The following XKR3 variants were observed in gnomAD, a reference collection of about 807,000 sequenced individuals.
XKR3 encodes the protein XK related 3.
In XKR3, 27 loss-of-function variants were observed where a neutral mutation model predicts 40.3. The ratio of observed to expected loss-of-function variants is 0.67; its 90% confidence interval spans 0.49 to 0.92. The LOEUF (loss-of-function observed/expected upper bound fraction) is 0.92, where lower values mean the gene tolerates loss of function less well. Among genes scored for constraint, XKR3 ranks in the 40% least tolerant of loss-of-function variants. The pLI is 0.00. For missense variants in XKR3, 472 were observed against 537.6 expected (o/e 0.88, Z 1.21); for synonymous variants, 193 against 195.4 (o/e 0.99, Z 0.10).
intron 1 of XKR3, among the ~76,000 whole-genome samples, chr22:16,814,251 T>A (rs2146175470): frequency 6.6e-6 from 1 of 152,338 alleles, no homozygotes; most frequent in South Asian, 2.1e-4. Flanking sequence ...TATCTAGTTG[T>A]CTCAGCTCCA....
chr22:16,804,798 T>C (rs2060183006), intron 2 of XKR3, among the ~76,000 whole-genome samples: 1 of 152,156 alleles, frequency 6.6e-6, no homozygotes, highest in South Asian at 2.1e-4. Context: ...AACAAACCAA[T>C]GTATTTATTA....
intron 3 of XKR3, among the ~76,000 whole-genome samples, chr22:16,795,575 A>C (rs2060137039): frequency 6.6e-6 from 1 of 152,188 alleles, no homozygotes; most frequent in East Asian, 1.9e-4. Flanking sequence ...ACTGAGATGC[A>C]AAATAAATAT....
intron 2 of XKR3, among the ~76,000 whole-genome samples, chr22:16,803,770 A>G (rs988937415): frequency 6.6e-6 from 1 of 152,198 alleles, no homozygotes; most frequent in African/African-American, 2.4e-5. Flanking sequence ...AGGGCTAAAA[A>G]GGGGAGGCAT....
intron 1 of XKR3, 26 bp from the exon 2 acceptor site, chr22:16,808,109 G>C (rs768587686): frequency 6.6e-7 from 1 of 1,510,386 alleles, no homozygotes; most frequent in Non-Finnish European, 9.0e-7. Context: ...CGTCTTGTCA[G>C]TGAATCCAGT....
chr22:16,813,310 C>G (rs1485264862), intron 1 of XKR3, among the ~76,000 whole-genome samples: 1 of 150,566 alleles, frequency 6.6e-6, no homozygotes, highest in African/African-American at 2.5e-5. Context: ...AAAAAACAAA[C>G]AAACAAAAAA....
chr22:16,816,290 C>CT (rs2060232947), intron 1 of XKR3, among the ~76,000 whole-genome samples: 1 of 149,852 alleles, frequency 6.7e-6, no homozygotes, highest in African/African-American at 2.4e-5. Flanking sequence ...ACCTTTTTTT[C>CT]TAATTGTATT....
chr22:16,792,865 C>T lies in XKR3; in HGVS notation c.589+6906G>A, dbSNP rs374637164. On this transcript the variant is annotated intron_variant, in intron 3 of 3. Transcript: ENST00000684488. ...TTGCAACCAGCACTTCCCTCTTAAACGCCAAATAAAAATGTTTTGATTTTA... is the reference window on the plus strand; with the variant it reads ...TTGCAACCAGCACTTCCCTCTTAAATGCCAAATAAAAATGTTTTGATTTTA... Among the ~76,000 whole-genome samples the T allele has an allele frequency of 2.8e-4, 43 of 152,162 alleles. 1 individual carries two copies. The highest frequency in any genetic ancestry group is 2.4e-4 in the African/African-American group (10 of 41,442).
At chr22:16,801,622 T>C (rs935901413) in intron 2 of XKR3, among the ~76,000 whole-genome samples, 51 of 151,502 alleles carry the variant, frequency 3.4e-4, no homozygotes, top group African/African-American at 1.2e-3. Context: ...TGTTCAGAAC[T>C]ACAAGTTGTC....
At chr22:16,793,115 C>T (rs868801153) in intron 3 of XKR3, among the ~76,000 whole-genome samples, 15 of 152,280 alleles carry the variant, frequency 9.9e-5, no homozygotes, top group African/African-American at 2.4e-4. Flanking sequence ...CGGTTTCAAG[C>T]GATTCTCCTG....
intron 2 of XKR3, among the ~76,000 whole-genome samples, chr22:16,804,421 C>T (rs558957484): frequency 6.6e-6 from 1 of 152,080 alleles, no homozygotes; most frequent in Non-Finnish European, 1.5e-5. Context: ...TTTTTCCCCT[C>T]ATGTTTTGAA....
At chr22:16,787,555 G>A (rs1445380316) in intron 3 of XKR3, among the ~76,000 whole-genome samples, 19 of 90,346 alleles carry the variant, frequency 2.1e-4, no homozygotes, top group South Asian at 5.2e-4. Context: ...GCAAAACTCC[G>A]TCTCAAATTA....
Position 16,807,806 on chromosome 22 carries a change from T to C in XKR3, c.268A>G (p.Lys90Glu), listed in dbSNP as rs1388388794. 1 of 1,613,820 alleles carries C rather than the reference T, an allele frequency of 6.2e-7. No homozygotes were observed. The highest frequency in any genetic ancestry group is 1.1e-5 in the South Asian group (1 of 91,060). ...LDQIILMFFN[K>E]DLRRNKAALL... ...GCAGCCTTATTTCTCCTCAAGTCTT[T>C]GTTGAAAAACATCAGGATAATTTGA... Residue 90 changes from lysine (K) to glutamate (E), a missense_variant, in exon 2 of 4, where the codon AAA (lysine) becomes GAA (glutamate). By Grantham distance (56) the Lys-to-Glu change is moderately conservative. Coordinates refer to ENST00000684488, the MANE Select transcript of XKR3 (RefSeq NM_001386955.1).
intron 2 of XKR3, among the ~76,000 whole-genome samples, chr22:16,804,650 A>C (rs2060182424): frequency 6.6e-6 from 1 of 152,204 alleles, no homozygotes; most frequent in Non-Finnish European, 1.5e-5. Flanking sequence ...ACAATATTTT[A>C]TCTTAACCTG....
chr22:16,791,463 T>C (rs1310524933), intron 3 of XKR3, among the ~76,000 whole-genome samples: 3 of 151,932 alleles, frequency 2.0e-5, no homozygotes, highest in Non-Finnish European at 2.9e-5. Context: ...AGAGATCTAT[T>C]GTATAGCAGG....
intron 1 of XKR3, among the ~76,000 whole-genome samples, chr22:16,812,803 G>C (rs1438178397): frequency 6.6e-6 from 1 of 152,054 alleles, no homozygotes; most frequent in Non-Finnish European, 1.5e-5. Flanking sequence ...TGTACCATTA[G>C]CATTCTATAC....
At chr22:16,817,459 C>T (rs2146178973) in intron 1 of XKR3, among the ~76,000 whole-genome samples, 1 of 152,160 alleles carries the variant, frequency 6.6e-6, no homozygotes, top group Admixed American at 6.5e-5. Flanking sequence ...TGAACTTTCC[C>T]CTCATGGCTT....
intron 3 of XKR3, among the ~76,000 whole-genome samples, chr22:16,797,405 A>ATATT (rs2060145987): frequency 6.6e-6 from 1 of 152,370 alleles, no homozygotes; most frequent in South Asian, 2.1e-4. Context: ...ATGGGAGAAG[A>ATATT]TATTTGCAAA....
intron 1 of XKR3, 83 bp from the exon 2 acceptor site, chr22:16,808,166 A>G (rs2060198379): frequency 6.8e-6 from 7 of 1,023,568 alleles, no homozygotes; most frequent in Non-Finnish European, 9.9e-6. Context: ...ATTCTCTATA[A>G]TTCACTATTC....
At chr22:16,824,482 A>G (rs2060266846) in intron 1 of XKR3, among the ~76,000 whole-genome samples, 1 of 152,134 alleles carries the variant, frequency 6.6e-6, no homozygotes, top group South Asian at 2.1e-4. Flanking sequence ...AAAGGGAAAA[A>G]GAAGGAATGG....
Sources: gnomAD v4.1 joint callset for allele counts (sites outside exome capture counted in the v4.1 genomes callset) on GRCh38, gnomAD v4.1.1 for gene constraint, MANE v1.5 for transcripts, NCBI Gene and HGNC (gene_info 2026-07-23, HGNC 2026-07-21) for gene names.